DNAH3: variants seen among roughly 807,000 people sequenced by gnomAD.
DNAH3 encodes dynein axonemal heavy chain 3.
A neutral mutation model predicts 432.5 loss-of-function variants in DNAH3; 332 were observed. The observed-to-expected ratio is 0.77, with a 90% CI of 0.70 to 0.84. The LOEUF (loss-of-function observed/expected upper bound fraction) is 0.84, where lower values mean the gene tolerates loss of function less well. Ranked by LOEUF, DNAH3 falls within the 40% of genes least tolerant of loss-of-function variation. The probability of loss-of-function intolerance (pLI) is 0.00; values close to 1 mark genes in which losing one functional copy is unlikely to be tolerated. For synonymous variants in DNAH3, 1,956 were observed against 1,900.2 expected (o/e 1.03, Z -0.76); for missense variants, 4,861 against 5,114.0 (o/e 0.95, Z 1.51).
chr16:20,937,453 A>G (rs909578811), intron 59 of DNAH3, among the ~76,000 whole-genome samples: 2 of 151,930 alleles, frequency 1.3e-5, no homozygotes, highest in Non-Finnish European at 2.9e-5. Context: ...CAAATTTTAA[A>G]TTATTATTAA....
At chr16:21,066,635 T>C (rs561016034) in intron 24 of DNAH3, among the ~76,000 whole-genome samples, 196 of 152,276 alleles carry the variant, frequency 1.3e-3, no homozygotes, top group Non-Finnish European at 1.2e-4. Flanking sequence ...TCCCAAAATG[T>C]TGTGATTATA....
intron 48 of DNAH3, 124 bp from the exon 49 acceptor site, chr16:20,983,010 G>T: frequency 1.0e-6 from 1 of 981,386 alleles, no homozygotes; most frequent in Non-Finnish European, 1.6e-6. Context: ...GCGCTCCAGG[G>T]ATGTGACTGT....
chr16:21,111,840 C>T lies in DNAH3; in HGVS notation c.1921-36G>A, dbSNP rs371223728. On this transcript the variant is annotated intron_variant, in intron 13 of 61. Transcript: ENST00000261383. The stretch of plus-strand genomic sequence containing the variant: ...GAGCACATTCAGTAGCTTGATTTGC[C>T]CTTGAGCCTCTCCCACTTGCCCCCA... The T allele has an allele frequency of 1.1e-4, 173 of 1,602,996 alleles. No individual in the cohort carries two copies. The African/African-American group carries it at 2.2e-3, about 20-fold the overall frequency.
chr16:21,042,182 C>T (rs867214120), exon 32 of DNAH3: 25 of 1,606,004 alleles, frequency 1.6e-5, no homozygotes, highest in Middle Eastern at 1.7e-4. Context: ...ATCTGCTGAG[C>T]GACCACAGAC....
intron 2 of DNAH3, among the ~76,000 whole-genome samples, chr16:21,145,750 C>G (rs1223607989): frequency 6.6e-6 from 1 of 152,232 alleles, no homozygotes; most frequent in Non-Finnish European, 1.5e-5. Context: ...TTAAATAACA[C>G]AGCAGATCAG....
chr16:21,130,371 C>G (rs1438560654), intron 7 of DNAH3, among the ~76,000 whole-genome samples: 1 of 148,682 alleles, frequency 6.7e-6, no homozygotes, highest in Non-Finnish European at 1.5e-5. Context: ...CAGTGGCGAT[C>G]TTGGCTCACT....
chr16:21,054,210 G>T (rs1567708729), intron 28 of DNAH3, among the ~76,000 whole-genome samples: 1 of 152,152 alleles, frequency 6.6e-6, no homozygotes, highest in Admixed American at 6.5e-5. Context: ...CCTGCTTGGA[G>T]GGTCCCTGGA....
chr16:20,963,888 G>A (rs1187208321), exon 53 of DNAH3: 1 of 1,614,148 alleles, frequency 6.2e-7, no homozygotes, highest in South Asian at 1.1e-5. Context: ...TGTGGGTCAA[G>A]GAATGCATGT....
intron 18 of DNAH3, among the ~76,000 whole-genome samples, chr16:21,096,945 C>A (rs898622277): frequency 6.6e-6 from 1 of 152,158 alleles, no homozygotes; most frequent in Non-Finnish European, 1.5e-5. Flanking sequence ...TAACCCATAT[C>A]GGATCAATCA....
chr16:21,094,464 A>C (rs2091622964), intron 18 of DNAH3, among the ~76,000 whole-genome samples: 1 of 152,094 alleles, frequency 6.6e-6, no homozygotes, highest in Admixed American at 6.5e-5. Flanking sequence ...TGAGGTCAGG[A>C]GTTTGAGATC....
Position 21,039,831 on chromosome 16 carries a change from T to C in DNAH3, c.4730+21A>G, listed in dbSNP as rs764194179. The C allele has an allele frequency of 3.8e-6, 6 of 1,572,746 alleles. No homozygotes were observed. In the South Asian group the frequency reaches 6.6e-5, roughly 17 times the overall value. ...CTATTTAAAGTCCTTTAGAATGCAC[T>C]GGAAAACCCATGTAACACACCTTCT... On this transcript the variant is annotated intron_variant, in intron 33 of 61. Transcript: ENST00000261383.
chr16:21,052,110 G>T (rs890626939), intron 28 of DNAH3, among the ~76,000 whole-genome samples: 1 of 152,056 alleles, frequency 6.6e-6, no homozygotes, highest in Non-Finnish European at 1.5e-5. Flanking sequence ...TCCTGCCTCA[G>T]CCTCCCAAAT....
intron 42 of DNAH3, 21 bp downstream of exon 42, chr16:21,003,083 G>A (rs753652766): frequency 2.7e-6 from 4 of 1,476,118 alleles, no homozygotes; most frequent in Non-Finnish European, 3.8e-6. Flanking sequence ...AAAGTTCCAT[G>A]GCCAATGATT....
exon 52 of DNAH3, chr16:20,969,941 G>A (rs1178781340): frequency 1.2e-6 from 2 of 1,614,108 alleles, no homozygotes; most frequent in South Asian, 1.1e-5. Context: ...AGCAGCTAGT[G>A]CAGCCTCGAG....
At chr16:21,055,259 T>A (rs374524609) in intron 27 of DNAH3, among the ~76,000 whole-genome samples, 42 of 152,330 alleles carry the variant, frequency 2.8e-4, no homozygotes, top group African/African-American at 8.9e-4. Flanking sequence ...TTTTGCCATG[T>A]TGGCCAGGCT....
At chr16:20,997,415 T>C (rs763809835) in exon 44 of DNAH3, 3 of 1,614,180 alleles carry the variant, frequency 1.9e-6, no homozygotes, top group Non-Finnish European at 2.5e-6. Context: ...AGGAGCTCGA[T>C]GGGTGGCTGG....
chr16:20,944,748 C>A lies in DNAH3; in HGVS notation c.11344-85G>T, dbSNP rs2083968411. The A allele has an allele frequency of 6.9e-6, 9 of 1,308,112 alleles. No individual in the cohort carries two copies. In the Admixed American group the frequency reaches 1.5e-4, roughly 22 times the overall value. 81.0% of individuals were successfully genotyped at this position (1,308,112 alleles called of 1,614,324 possible). The stretch of plus-strand genomic sequence containing the variant: ...CAGGCTTAGCAGAACCCAATCAGAA[C>A]AGGAATCATACTGTATCAGTAGCAC... On this transcript the variant is annotated intron_variant, in intron 57 of 61. Coordinates refer to ENST00000261383, the Ensembl canonical transcript of DNAH3.
At chr16:21,049,106 G>GC in intron 31 of DNAH3, among the ~76,000 whole-genome samples, 1 of 151,932 alleles carries the variant, frequency 6.6e-6, no homozygotes, top group South Asian at 2.1e-4. Flanking sequence ...CAATCCTCCT[G>GC]CCTCAGCCTC....
At chr16:21,127,485 C>T (rs981166607) in intron 8 of DNAH3, among the ~76,000 whole-genome samples, 3 of 151,680 alleles carry the variant, frequency 2.0e-5, no homozygotes, top group African/African-American at 4.8e-5. Flanking sequence ...CGCTTGAACC[C>T]GGGAGGCAGA....
Sources: allele counts gnomAD v4.1 joint callset (sites outside exome capture counted in the v4.1 genomes callset), GRCh38; gene constraint gnomAD v4.1.1; transcripts MANE v1.5; gene names NCBI Gene and HGNC (gene_info 2026-07-23, HGNC 2026-07-21).